Variants in MYCN observed in about 807,000 individuals in gnomAD.
MYCN encodes the protein MYCN proto-oncogene, bHLH transcription factor, also known as N-myc proto-oncogene protein.
A neutral mutation model predicts 28.1 loss-of-function variants in MYCN; 3 were observed. That is an observed-to-expected ratio of 0.11 (90% CI 0.05 to 0.28). The LOEUF (loss-of-function observed/expected upper bound fraction) is 0.28, where lower values mean the gene tolerates loss of function less well. MYCN is among the 10% of genes least tolerant of loss of function. The pLI, the probability that MYCN is intolerant of heterozygous loss-of-function variation, is 1.00. For synonymous variants in MYCN, 326 were observed against 288.3 expected, an observed-to-expected ratio of 1.13 and a Z score of -1.32; for missense variants, 572 against 651.4, an observed-to-expected ratio of 0.88 and a Z score of 1.33.
At position 15,946,445 on chromosome 2, in the gene MYCN, CA is replaced by C. The variant is rs1237348555; in HGVS notation, c.*349del. ...TCTTTTTAAAATGGTGCTTAAGTTC[CA>C]GCAGATGCCACATAAGGGGTTTGCC... On this transcript the variant is annotated 3_prime_UTR_variant, in exon 3 of 3. Transcript: ENST00000281043. 2 of 428,546 alleles carry C rather than the reference CA, an allele frequency of 4.7e-6. No homozygotes were observed. Among genetic ancestry groups the C allele is most frequent in the Non-Finnish European group, 8.7e-6 (2 of 230,046 alleles). 26.5% of individuals were successfully genotyped at this position (428,546 alleles called of 1,614,324 possible).
In MYCN at chr2:15,942,364, G is replaced by C. The variant is rs963929622; in HGVS notation, c.300G>C (p.Gly100=). ...SPAEEDAFGL[G]GLGGLTPNPV... is the part of the protein sequence containing the mutation. ...CCGAGGAGGACGCGTTCGGCCTGGGGGGACTGGGTGGCCTCACCCCCAACC... is the reference window on the plus strand; with the variant it reads ...CCGAGGAGGACGCGTTCGGCCTGGGCGGACTGGGTGGCCTCACCCCCAACC... Residue 100 remains glycine, a synonymous_variant, in exon 2 of 3, where the codon GGG becomes GGC. Transcript: ENST00000281043. The surrounding 1 kb of genome is among the most constrained non-coding windows in gnomAD (Gnocchi z 7.0). 1 of 1,606,868 alleles carries C rather than the reference G, an allele frequency of 6.2e-7. No individual in the cohort carries two copies.
intron 2 of MYCN, among the ~76,000 whole-genome samples, chr2:15,944,622 C>CT (rs991857902): frequency 2.0e-5 from 3 of 152,314 alleles, no homozygotes; most frequent in East Asian, 1.9e-4. Flanking sequence ...GGCCTCAACT[C>CT]TTTAAGTGTG....
chr2:15,943,769 A>G (rs1224823308), intron 2 of MYCN, among the ~76,000 whole-genome samples: 1 of 152,198 alleles, frequency 6.6e-6, no homozygotes, highest in Non-Finnish European at 1.5e-5. Context: ...GAAGGCTCAC[A>G]TCCTGGGAGG....
Position 15,945,393 on chromosome 2 carries a change from C to T in MYCN, c.791-100C>T, listed in dbSNP as rs561132588. 1.1e-4 allele frequency: 156 copies of T among 1,402,314 alleles called. No homozygotes were observed. Among genetic ancestry groups the T allele is most frequent in the South Asian group, 6.0e-4 (48 of 80,216 alleles). 86.9% of individuals were successfully genotyped at this position (1,402,314 alleles called of 1,614,324 possible). ...CATAAAAATAGCAGTCTGCCAGGGT[C>T]TGCCGGAAGAGACAGATAAGCATAC... On this transcript the variant is annotated intron_variant, in intron 2 of 2. Transcript: ENST00000281043. This position sits in a 1 kb window ranked among gnomAD's most constrained non-coding sequence, Gnocchi z 4.8.
chr2:15,945,533 C>A lies in MYCN; in HGVS notation c.831C>A (p.Ile277=), dbSNP rs373661257. The change falls in exon 3 of 3, where the codon ATC becomes ATA. Residue 277 remains isoleucine, a synonymous_variant. Coordinates refer to ENST00000281043, the MANE Select transcript of MYCN (RefSeq NM_005378.6). The surrounding 1 kb of genome is among the most constrained non-coding windows in gnomAD (Gnocchi z 4.8). ...DDEEEDEEEE[I]DVVTVEKRRS... ...AAGAGGAAGATGAAGAGGAAGAAAT[C>A]GACGTGGTCACTGTGGAGAAGCGGC... 1 of 1,613,528 alleles carries A rather than the reference C, an allele frequency of 6.2e-7. No homozygotes were observed. Among genetic ancestry groups the A allele is most frequent in the African/African-American group, 1.3e-5 (1 of 74,920 alleles).
chr2:15,944,110 C>T (rs1029132493), intron 2 of MYCN, among the ~76,000 whole-genome samples: 7 of 152,142 alleles, frequency 4.6e-5, no homozygotes, highest in African/African-American at 1.7e-4. Flanking sequence ...GGAAGCACTT[C>T]CTTCCAACAG....
At position 15,942,831 on chromosome 2, in the gene MYCN, G is replaced by C; in HGVS notation, c.767G>C (p.Gly256Ala). 1 of 1,582,862 alleles carries C rather than the reference G, an allele frequency of 6.3e-7. No homozygotes were observed. The highest frequency in any genetic ancestry group is 1.1e-5 in the South Asian group (1 of 88,502). The stretch of plus-strand genomic sequence containing the variant: ...GACCACAAGGCCCTCAGTACCTCCG[G>C]AGAGGACACCCTGAGCGATTCAGGT... ...GGDHKALSTSGEDTLSDSDDE... is the reference protein window; with the variant it reads ...GGDHKALSTSAEDTLSDSDDE... Residue 256 changes from glycine (G) to alanine (A), a missense_variant, in exon 2 of 3, where the codon GGA (glycine) becomes GCA (alanine). Physicochemically the swap from Gly to Ala is moderately conservative, Grantham distance 60. Transcript: ENST00000281043. This position sits in a 1 kb window ranked among gnomAD's most constrained non-coding sequence, Gnocchi z 7.0.
In MYCN at chr2:15,942,493, C is replaced by A; in HGVS notation, c.429C>A (p.Ala143=). 1 of 1,551,758 alleles carries A rather than the reference C, an allele frequency of 6.4e-7. No individual in the cohort carries two copies. The highest frequency in any genetic ancestry group is 1.2e-5 in the South Asian group (1 of 85,402). Residue 143 remains alanine (A), a synonymous_variant, in exon 2 of 3, where the codon GCC becomes GCA. Transcript: ENST00000281043. This position sits in a 1 kb window ranked among gnomAD's most constrained non-coding sequence, Gnocchi z 7.0. ...AGCACGGCCGCGGGCCGCCAACCGC[C>A]GGTTCCACCGCCCAGTCCCCGGGAG... ...KLQHGRGPPT[A]GSTAQSPGAG...
Position 15,942,363 on chromosome 2 carries a change from G to A in MYCN, c.299G>A (p.Gly100Glu). The change falls in exon 2 of 3, where the codon GGG becomes GAG. Residue 100 changes from glycine (G) to glutamate (E), a missense_variant. By Grantham distance (98) the Gly-to-Glu change is moderately conservative. Transcript: ENST00000281043. The surrounding 1 kb of genome is among the most constrained non-coding windows in gnomAD (Gnocchi z 7.0). ...GCCGAGGAGGACGCGTTCGGCCTGG[G>A]GGGACTGGGTGGCCTCACCCCCAAC... Reference protein sequence around the residue: ...SPAEEDAFGLGGLGGLTPNPV... With the variant: ...SPAEEDAFGLEGLGGLTPNPV... 1 of 1,607,180 alleles carries A rather than the reference G, an allele frequency of 6.2e-7. No individual in the cohort carries two copies. Among genetic ancestry groups the A allele is most frequent in the Admixed American group, 1.7e-5 (1 of 59,544 alleles).
intron 1 of MYCN, 196 bp downstream of exon 1, chr2:15,940,939 G>C (rs1055074264): frequency 9.6e-5 from 38 of 396,064 alleles, no homozygotes; most frequent in African/African-American, 7.6e-4. Flanking sequence ...ATCCTGGCTA[G>C]AGGAGACCCG....
rs1418036674 is a variant in MYCN at position 15,942,592 on chromosome 2, C to A, written c.528C>A (p.Pro176=). 6.5e-6 allele frequency: 7 copies of A among 1,071,840 alleles called. No individual in the cohort carries two copies. The highest frequency in any genetic ancestry group is 7.9e-6 in the Non-Finnish European group (7 of 887,842). 66.4% of individuals were successfully genotyped at this position (1,071,840 alleles called of 1,614,324 possible). A position where few individuals can be genotyped will look rare whatever the true frequency, so the allele number is the denominator to read the frequency against. Residue 176 remains proline, a synonymous_variant, in exon 2 of 3, where the codon CCC becomes CCA. Transcript: ENST00000281043. The surrounding 1 kb of genome is among the most constrained non-coding windows in gnomAD (Gnocchi z 7.0). ...AGAGRAGAAL[P]AELAHPAAEC... is the part of the protein sequence containing the mutation. ...CCGGCCGCGCCGGGGCCGCCCTGCC[C>A]GCCGAGCTCGCCCACCCGGCCGCCG...
Position 15,942,084 on chromosome 2 carries a change from C to A in MYCN, c.20C>A (p.Ser7Tyr). 6.2e-7 allele frequency: 1 copy of A among 1,613,722 alleles called. No homozygotes were observed. Among genetic ancestry groups the A allele is most frequent in the African/African-American group, 1.3e-5 (1 of 74,940 alleles). ...GAGCCGATGCCGAGCTGCTCCACGT[C>A]CACCATGCCGGGCATGATCTGCAAG... The part of the protein sequence containing the change: MPSCST[S>Y]TMPGMICKNP... Residue 7 changes from serine (S) to tyrosine (Y), a missense_variant, in exon 2 of 3, where the codon TCC (serine) becomes TAC (tyrosine). By Grantham distance (144) the Ser-to-Tyr change is moderately radical (BLOSUM62 -2). Transcript: ENST00000281043. The surrounding 1 kb of genome is among the most constrained non-coding windows in gnomAD (Gnocchi z 7.0).
At position 15,942,266 on chromosome 2, in the gene MYCN, G is replaced by C. The variant is rs767463815; in HGVS notation, c.202G>C (p.Ala68Pro). 1.2e-6 allele frequency: 2 copies of C among 1,612,028 alleles called. No homozygotes were observed. Among genetic ancestry groups the C allele is most frequent in the Non-Finnish European group, 1.7e-6 (2 of 1,179,612 alleles). The change falls in exon 2 of 3, where the codon GCG (alanine) becomes CCG (proline). Residue 68 changes from alanine to proline, a missense_variant. Physicochemically the swap from Ala to Pro is conservative, Grantham distance 27 (BLOSUM62 -1). This residue lies in a region of MYCN where 499 missense variants were observed against 524.3 expected (regional missense o/e 0.95). Coordinates refer to ENST00000281043, the MANE Select transcript of MYCN (RefSeq NM_005378.6). This position sits in a 1 kb window ranked among gnomAD's most constrained non-coding sequence, Gnocchi z 7.0. ...CCCGCTGTCGCCCAGCCGTGGCTTC[G>C]CGGAGCACAGCTCCGAGCCCCCGAG... ...TPPLSPSRGF[A>P]EHSSEPPSWV...
chr2:15,940,631 A>T lies in MYCN; in HGVS notation c.-230A>T, dbSNP rs1040464891. 6 of 400,276 alleles carry T rather than the reference A, an allele frequency of 1.5e-5. No homozygotes were observed. The allele number at this position is 400,276 out of a possible 1,614,324, so 24.8% of individuals were successfully genotyped here. On this transcript the variant is annotated 5_prime_UTR_variant, in exon 1 of 3. Coordinates refer to ENST00000281043, the MANE Select transcript of MYCN (RefSeq NM_005378.6). ...ACTGTGTTGGAGCCGAGCAAGCGCTAGCCAGGCGCAAGCGCGCACAGACTG... is the reference window on the plus strand; with the variant it reads ...ACTGTGTTGGAGCCGAGCAAGCGCTTGCCAGGCGCAAGCGCGCACAGACTG...
Position 15,941,794 on chromosome 2 carries a change from G to C in MYCN, c.-117-154G>C. 3.5e-6 allele frequency: 2 copies of C among 579,530 alleles called. No homozygotes were observed. Among genetic ancestry groups the C allele is most frequent in the Non-Finnish European group, 6.2e-6 (2 of 323,380 alleles). The allele number at this position is 579,530 out of a possible 1,614,324, so 35.9% of individuals were successfully genotyped here. On this transcript the variant is annotated intron_variant, in intron 1 of 2. Transcript: ENST00000281043. The surrounding 1 kb of genome is among the most constrained non-coding windows in gnomAD (Gnocchi z 4.8). ...ACAAAAGGAGGGCGGGAGGGAGGGA[G>C]CGAGAGGCACAACTTCCTCCACCTT...
At chr2:15,940,766 C>A (rs1365301416) in intron 1 of MYCN, 23 bp downstream of exon 1, 3 of 398,080 alleles carry the variant, frequency 7.5e-6, no homozygotes, top group Admixed American at 4.4e-5. Context: ...GCTTGCAAAC[C>A]GCCCGGCGCC....
rs1418036674 is a variant in MYCN at position 15,942,592 on chromosome 2, C to G, written c.528C>G (p.Pro176=). The G allele has an allele frequency of 9.3e-7, 1 of 1,071,732 alleles. No individual in the cohort carries two copies. Among genetic ancestry groups the G allele is most frequent in the African/African-American group, 1.7e-5 (1 of 59,020 alleles). 66.4% of individuals were successfully genotyped at this position (1,071,732 alleles called of 1,614,324 possible). A position where few individuals can be genotyped will look rare whatever the true frequency, so the allele number is the denominator to read the frequency against. Reference sequence around the variant, plus strand: ...CCGGCCGCGCCGGGGCCGCCCTGCCCGCCGAGCTCGCCCACCCGGCCGCCG... The same window carrying G: ...CCGGCCGCGCCGGGGCCGCCCTGCCGGCCGAGCTCGCCCACCCGGCCGCCG... ...AGAGRAGAAL[P]AELAHPAAEC... is the part of the protein sequence containing the mutation. Residue 176 remains proline (P), a synonymous_variant, in exon 2 of 3, where the codon CCC becomes CCG. Transcript: ENST00000281043. This position sits in a 1 kb window ranked among gnomAD's most constrained non-coding sequence, Gnocchi z 7.0.
Position 15,940,761 on chromosome 2 carries a change from C to CA in MYCN, c.-118+21dup. The stretch of plus-strand genomic sequence containing the variant: ...GGCGGGAGGTAAGGAGCAGGGCTTG[C>CA]AAACCGCCCGGCGCCCAGGGAAGCG... On this transcript the variant is annotated intron_variant, in intron 1 of 2. Transcript: ENST00000281043. 3.1e-6 allele frequency: 1 copy of CA among 323,138 alleles called. No individual in the cohort carries two copies. The allele number at this position is 323,138 out of a possible 1,614,324, so 20.0% of individuals were successfully genotyped here.
rs1558533990 is a variant in MYCN at position 15,942,441 on chromosome 2, T to C, written c.377T>C (p.Leu126Pro). 6.3e-7 allele frequency: 1 copy of C among 1,597,872 alleles called. No individual in the cohort carries two copies. The highest frequency in any genetic ancestry group is 8.5e-7 in the Non-Finnish European group (1 of 1,177,598). ...AGCGGCTTCTCCGCCCGCGAGAAGCTGGAGCGCGCCGTGAGCGAGAAGCTG... is the reference window on the plus strand; with the variant it reads ...AGCGGCTTCTCCGCCCGCGAGAAGCCGGAGCGCGCCGTGAGCGAGAAGCTG... ...MWSGFSAREK[L>P]ERAVSEKLQH... The change falls in exon 2 of 3, where the codon CTG becomes CCG. Residue 126 changes from leucine to proline, a missense_variant. By Grantham distance (98) the Leu-to-Pro change is moderately conservative. Transcript: ENST00000281043. This position sits in a 1 kb window ranked among gnomAD's most constrained non-coding sequence, Gnocchi z 7.0.
Sources: gnomAD v4.1 joint callset for allele counts (sites outside exome capture counted in the v4.1 genomes callset) on GRCh38, gnomAD v4.1.1 for gene constraint, gnomAD v4.1.1 regional missense constraint, Gnocchi (gnomAD v3.1) non-coding constraint, MANE v1.5 for transcripts, NCBI Gene and HGNC (gene_info 2026-07-23, HGNC 2026-07-21) for gene names.